The following HIPK2 variants were observed in gnomAD, a reference collection of about 807,000 sequenced individuals.
HIPK2 encodes homeodomain interacting protein kinase 2, also known as homeodomain-interacting protein kinase 2.
A neutral mutation model predicts 113.7 loss-of-function variants in HIPK2; 27 were observed. That is an observed-to-expected ratio of 0.24 (90% CI 0.17 to 0.33). HIPK2 has a LOEUF of 0.33. HIPK2 is among the 10% of genes least tolerant of loss of function. HIPK2 has a pLI of 1.00. For missense variants in HIPK2, 1,257 were observed against 1,588.0 expected, an observed-to-expected ratio of 0.79 and a Z score of 3.54; for synonymous variants, 631 against 642.2, an observed-to-expected ratio of 0.98 and a Z score of 0.26.
At chr7:139,596,323 G>A (rs555780030) in intron 12 of HIPK2, among the ~76,000 whole-genome samples, 1 of 152,302 alleles carries the variant, frequency 6.6e-6, no homozygotes, top group African/African-American at 2.4e-5. Flanking sequence ...CAATTACTTC[G>A]TATTCTGAGT....
chr7:139,761,261 T>A (rs909401446), intron 1 of HIPK2, among the ~76,000 whole-genome samples: 1 of 152,116 alleles, frequency 6.6e-6, no homozygotes, highest in Non-Finnish European at 1.5e-5. Context: ...CCAAGGAAGG[T>A]ATGGTTCAGG....
intron 1 of HIPK2, among the ~76,000 whole-genome samples, chr7:139,733,843 A>G (rs150545420): frequency 6.6e-6 from 1 of 152,318 alleles, no homozygotes; most frequent in Non-Finnish European, 1.5e-5. Context: ...CTTTCCGGCC[A>G]GTGTGTGACT....
chr7:139,700,343 C>T (rs1283294822), intron 2 of HIPK2, among the ~76,000 whole-genome samples: 1 of 152,130 alleles, frequency 6.6e-6, no homozygotes, highest in Non-Finnish European at 1.5e-5. Flanking sequence ...TGACCTGAGG[C>T]CACGCACTGA....
chr7:139,665,191 C>T (rs1222750704), intron 2 of HIPK2, among the ~76,000 whole-genome samples: 1 of 152,110 alleles, frequency 6.6e-6, no homozygotes, highest in Non-Finnish European at 1.5e-5. Flanking sequence ...TTGCATGCCA[C>T]TATGCCAGGT....
intron 2 of HIPK2, among the ~76,000 whole-genome samples, chr7:139,650,751 G>A (rs187470698): frequency 2.6e-5 from 4 of 152,250 alleles, no homozygotes; most frequent in African/African-American, 9.6e-5. Context: ...CTCTGGAAGA[G>A]GACCCTCAAT....
intron 2 of HIPK2, among the ~76,000 whole-genome samples, chr7:139,632,463 C>T (rs779152012): frequency 6.6e-6 from 1 of 152,172 alleles, no homozygotes; most frequent in Non-Finnish European, 1.5e-5. Context: ...TTTTTATTAG[C>T]TTCTAAAAAG....
intron 2 of HIPK2, among the ~76,000 whole-genome samples, chr7:139,689,555 C>G (rs930837821): frequency 2.8e-5 from 4 of 141,890 alleles, no homozygotes; most frequent in Admixed American, 6.7e-5. Context: ...GTCTCAGTTA[C>G]CTTATGTCTG....
At chr7:139,595,688 G>C (rs1245895868) in intron 12 of HIPK2, among the ~76,000 whole-genome samples, 1 of 152,110 alleles carries the variant, frequency 6.6e-6, no homozygotes, top group Admixed American at 6.5e-5. Flanking sequence ...AGAGGGAAGG[G>C]AACGTCCTAT....
chr7:139,617,359 C>G (rs761730990), intron 7 of HIPK2, among the ~76,000 whole-genome samples: 7 of 152,108 alleles, frequency 4.6e-5, no homozygotes, highest in Non-Finnish European at 8.8e-5. Context: ...CACCACTGTG[C>G]CTAGTGAAAA....
chr7:139,697,863 ATTT>A (rs1206821973), intron 2 of HIPK2, among the ~76,000 whole-genome samples: 4 of 135,268 alleles, frequency 3.0e-5, no homozygotes, highest in Admixed American at 7.2e-5. Flanking sequence ...TCTTAATGGA[ATTT>A]TTTTTTTTTT....
chr7:139,721,381 A>G (rs10230692), intron 1 of HIPK2, among the ~76,000 whole-genome samples: 22,023 of 152,208 alleles, frequency 0.14, 1,617 homozygotes, highest in Non-Finnish European at 0.16. Flanking sequence ...CCTTGAGAGT[A>G]TTTCTCTGGA....
At chr7:139,622,897 T>C (rs976597266) in intron 6 of HIPK2, among the ~76,000 whole-genome samples, 1 of 152,280 alleles carries the variant, frequency 6.6e-6, no homozygotes, top group East Asian at 1.9e-4. Context: ...ACGGTCTCCA[T>C]GTGACCAAGC....
intron 2 of HIPK2, among the ~76,000 whole-genome samples, chr7:139,688,271 TC>T (rs964826972): frequency 1.3e-5 from 2 of 152,218 alleles, no homozygotes; most frequent in Admixed American, 1.3e-4. Context: ...CAAGAGGCAC[TC>T]CCTCCTCTCA....
At chr7:139,614,570 T>C (rs1179238869) in intron 7 of HIPK2, 77 bp from the exon 8 acceptor site, 3 of 957,664 alleles carry the variant, frequency 3.1e-6, no homozygotes, top group East Asian at 6.4e-5. Flanking sequence ...GAGACACGAA[T>C]CTAAATCAAA....
chr7:139,584,337 T>A (rs1470077828), intron 12 of HIPK2, among the ~76,000 whole-genome samples: 2 of 152,166 alleles, frequency 1.3e-5, no homozygotes, highest in African/African-American at 4.8e-5. Context: ...CGGGCTGGCC[T>A]GGGCTCTTCC....
intron 4 of HIPK2, among the ~76,000 whole-genome samples, chr7:139,629,747 T>C (rs1334964783): frequency 6.6e-6 from 1 of 152,182 alleles, no homozygotes; most frequent in East Asian, 1.9e-4. Flanking sequence ...GTCTTCAAAA[T>C]CTCACTCAAG....
intron 2 of HIPK2, among the ~76,000 whole-genome samples, chr7:139,672,033 T>C (rs1802319490): frequency 6.6e-6 from 1 of 152,134 alleles, no homozygotes; most frequent in Non-Finnish European, 1.5e-5. Flanking sequence ...TGATTCTAGA[T>C]TTTTATAAAA....
chr7:139,701,474 T>C (rs1794705998), intron 2 of HIPK2, among the ~76,000 whole-genome samples: 1 of 152,210 alleles, frequency 6.6e-6, no homozygotes, highest in Non-Finnish European at 1.5e-5. Context: ...TCCAGTGAGC[T>C]GTGGCAAAGT....
At chr7:139,689,699 G>T (rs549754134) in intron 2 of HIPK2, among the ~76,000 whole-genome samples, 13 of 152,246 alleles carry the variant, frequency 8.5e-5, no homozygotes, top group Non-Finnish European at 1.9e-4. Context: ...TTGGTCCAAG[G>T]GTCATATCTG....
Sources: allele counts gnomAD v4.1 joint callset (sites outside exome capture counted in the v4.1 genomes callset), GRCh38; gene constraint gnomAD v4.1.1; transcripts MANE v1.5; gene names NCBI Gene and HGNC (gene_info 2026-07-23, HGNC 2026-07-21).